Variants in ALS2 observed in about 807,000 individuals in gnomAD.
ALS2 encodes alsin.
In ALS2, 117 loss-of-function variants were observed where a neutral mutation model predicts 203.4. The observed-to-expected ratio is 0.58, with a 90% CI of 0.50 to 0.67. ALS2 has a LOEUF of 0.67. Ranked by LOEUF, ALS2 falls within the 30% of genes least tolerant of loss-of-function variation. ALS2 has a pLI of 0.00. For missense variants in ALS2, 1,715 were observed against 1,989.4 expected (o/e 0.86, Z 2.62); for synonymous variants, 718 against 725.9 (o/e 0.99, Z 0.17).
chr2:201,760,114 G>T, intron 4 of ALS2: 10 of 752,882 alleles, frequency 1.3e-5, no homozygotes, highest in Non-Finnish European at 1.6e-5. Context: ...CTTGAGCTCA[G>T]GAGTTTGAGA....
intron 3 of ALS2, among the ~76,000 whole-genome samples, chr2:201,767,025 T>C (rs1343844892): frequency 6.6e-6 from 1 of 151,008 alleles, no homozygotes; most frequent in Admixed American, 6.6e-5. Context: ...CATACCAACA[T>C]GGCACATGTA....
intron 20 of ALS2, 138 bp from the exon 21 acceptor site, chr2:201,724,597 A>C: frequency 1.1e-6 from 1 of 935,768 alleles, no homozygotes; most frequent in South Asian, 1.5e-5. Flanking sequence ...ATTTTTCACC[A>C]ATTAAAAAAA....
At chr2:201,718,779 C>A (rs978302258) in intron 23 of ALS2, among the ~76,000 whole-genome samples, 1 of 151,874 alleles carries the variant, frequency 6.6e-6, no homozygotes, top group Non-Finnish European at 1.5e-5. Context: ...TACAATATAT[C>A]AAAATTTAGG....
intron 13 of ALS2, 100 bp from the exon 14 acceptor site, chr2:201,729,283 T>TCTA: frequency 7.3e-7 from 1 of 1,373,078 alleles, no homozygotes; most frequent in Non-Finnish European, 1.0e-6. Flanking sequence ...GTATTAAATG[T>TCTA]AGGAGAAAAT....
rs12470499 is a variant in ALS2, at chr2:201,729,474, A to G, written c.2581-291T>C. 0.085 allele frequency among the ~76,000 whole-genome samples: 12,937 copies of G among 152,172 alleles called. 612 individuals are homozygous for G. Among genetic ancestry groups the G allele is most frequent in the Middle Eastern group, 0.12 (35 of 294 alleles). On this transcript the variant is annotated intron_variant, in intron 13 of 33. Transcript: ENST00000264276. The stretch of plus-strand genomic sequence containing the variant: ...CAGGATAGAGCAGGAGTTCTCAAAT[A>G]TTTTGGTCTCGGGATCCCTTTATTT...
intron 31 of ALS2, 122 bp downstream of exon 31, chr2:201,705,017 C>A (rs977069192): frequency 1.0e-6 from 1 of 956,678 alleles, no homozygotes. Flanking sequence ...TTGAGTTTGA[C>A]ACCATCAGCA....
intron 26 of ALS2, 128 bp from the exon 27 acceptor site, chr2:201,710,166 A>G: frequency 9.6e-7 from 1 of 1,046,754 alleles, no homozygotes; most frequent in East Asian, 2.7e-5. Flanking sequence ...TGGGACCAGG[A>G]ATATTCAAAT....
intron 1 of ALS2, among the ~76,000 whole-genome samples, chr2:201,779,159 C>T (rs1275701963): frequency 1.3e-5 from 2 of 152,250 alleles, no homozygotes; most frequent in African/African-American, 4.8e-5. Flanking sequence ...CAAATGACAG[C>T]CCAAATTCTG....
At chr2:201,718,758 TA>T (rs756569183) in intron 23 of ALS2, among the ~76,000 whole-genome samples, 6 of 152,072 alleles carry the variant, frequency 3.9e-5, no homozygotes, top group Non-Finnish European at 5.9e-5. Flanking sequence ...TTGAACTGTA[TA>T]AAATGACCAT....
intron 21 of ALS2, 45 bp from the exon 22 acceptor site, chr2:201,723,486 T>A: frequency 1.3e-6 from 2 of 1,505,602 alleles, no homozygotes; most frequent in South Asian, 1.1e-5. Context: ...AAGATAAGGA[T>A]AAAGTAGGGA....
At chr2:201,719,765 AATTTCT>A in intron 23 of ALS2, among the ~76,000 whole-genome samples, 1 of 152,158 alleles carries the variant, frequency 6.6e-6, no homozygotes. Context: ...TGAAGAAATA[AATTTCT>A]CAGTCTATGA....
chr2:201,712,032 G>A (rs1010350112), intron 25 of ALS2, among the ~76,000 whole-genome samples: 1 of 151,912 alleles, frequency 6.6e-6, no homozygotes, highest in African/African-American at 2.4e-5. Context: ...TAACAATTAT[G>A]AACTTCATGA....
At chr2:201,765,756 A>C (rs1694044328) in intron 3 of ALS2, 4 of 167,136 alleles carry the variant, frequency 2.4e-5, no homozygotes. Context: ...AGGTACCTCT[A>C]TAAATTACAG....
At chr2:201,741,530 G>A in intron 11 of ALS2, 144 bp downstream of exon 11, 1 of 868,036 alleles carries the variant, frequency 1.2e-6, no homozygotes, top group Non-Finnish European at 1.9e-6. Flanking sequence ...CAGAACTATA[G>A]TTGGCTTAAG....
rs142517528 is a variant in ALS2 at position 201,714,331 on chromosome 2, G to A, written c.4004+1341C>T. Among the ~76,000 whole-genome samples the A allele has an allele frequency of 2.6e-4, 40 of 152,252 alleles. No individual in the cohort carries two copies. The East Asian group carries it at 3.5e-3, about 13-fold the overall frequency. ...CAAGCACAGGGTGCCTATGTGACCC[G>A]CCCCCAGTATAAACCCTGGGCACTG... is the stretch of plus-strand genomic sequence containing the variant. On this transcript the variant is annotated intron_variant, in intron 25 of 33. Transcript: ENST00000264276.
intron 5 of ALS2, among the ~76,000 whole-genome samples, chr2:201,754,983 A>G (rs1358113184): frequency 6.6e-6 from 1 of 152,216 alleles, no homozygotes; most frequent in East Asian, 1.9e-4. Flanking sequence ...AATTCCAAAC[A>G]TTTAGCCACA....
rs745672253 is a variant in ALS2, at chr2:201,710,001, A to C, written c.4160T>G (p.Val1387Gly). 21 of 1,613,820 alleles carry C rather than the reference A, an allele frequency of 1.3e-5. No homozygotes were observed. The change falls in exon 27 of 34, where the codon GTG becomes GGG. Residue 1387 changes from valine to glycine, a missense_variant. Physicochemically the swap from Val to Gly is moderately radical, Grantham distance 109 (BLOSUM62 -3). Around this residue, in one of 3 missense-constraint regions of ALS2, gnomAD observed 1,227 missense variants for 1,413.5 expected, o/e 0.87. Transcript: ENST00000264276. Reference sequence around the variant, plus strand: ...TCTATACACTGCAACCAGTGTCTCCACAAGCCTGCCCAGGGGGTGCAGAGG... The same window carrying C: ...TCTATACACTGCAACCAGTGTCTCCCCAAGCCTGCCCAGGGGGTGCAGAGG... ...DTPLHPLGRL[V>G]ETLVAVYRMT...
At chr2:201,777,475 A>C (rs1694711165) in intron 1 of ALS2, among the ~76,000 whole-genome samples, 1 of 152,196 alleles carries the variant, frequency 6.6e-6, no homozygotes, top group Admixed American at 6.5e-5. Flanking sequence ...CCTGATTATA[A>C]ATAAAAATGT....
chr2:201,742,628 A>AG (rs996805038), intron 10 of ALS2, among the ~76,000 whole-genome samples: 12 of 152,174 alleles, frequency 7.9e-5, no homozygotes, highest in Admixed American at 2.0e-4. Flanking sequence ...TACCTAGAGG[A>AG]GGGGAATTTA....
Sources: gnomAD v4.1 joint callset for allele counts (sites outside exome capture counted in the v4.1 genomes callset) on GRCh38, gnomAD v4.1.1 for gene constraint, gnomAD v4.1.1 regional missense constraint, MANE v1.5 for transcripts, NCBI Gene and HGNC (gene_info 2026-07-23, HGNC 2026-07-21) for gene names.